FAM228B: variants seen among roughly 807,000 people sequenced by gnomAD.
FAM228B encodes the protein family with sequence similarity 228 member B.
Under a neutral mutation model 42.6 loss-of-function variants are expected in FAM228B, and 38 were observed. That is an observed-to-expected ratio of 0.89 (90% confidence interval 0.69 to 1.17). The LOEUF (loss-of-function observed/expected upper bound fraction) is 1.17, where lower values mean the gene tolerates loss of function less well. Among genes scored for constraint, FAM228B ranks in the 50% most tolerant of loss-of-function variants. The probability of loss-of-function intolerance (pLI) is 0.00; values close to 1 mark genes in which losing one functional copy is unlikely to be tolerated. For missense variants in FAM228B, 344 were observed against 367.3 expected (o/e 0.94, Z 0.52); for synonymous variants, 109 against 122.3 (o/e 0.89, Z 0.72).
In FAM228B at chr2:24,077,817, C is replaced by T; in HGVS notation, c.-290+848C>T. 6.4e-7 allele frequency: 1 copy of T among 1,554,162 alleles called. No individual in the cohort carries two copies. On this transcript the variant is annotated intron_variant, in intron 1 of 10. Coordinates refer to the FAM228B transcript ENST00000613899. This position sits in a 1 kb window ranked among gnomAD's most constrained non-coding sequence, Gnocchi z 5.5. Reference sequence around the variant, plus strand: ...GGGGAGAGAGCCTCACCCTGCCCTCCTCATCCTCCTCAGCCTTCTTGCTCT... The same window carrying T: ...GGGGAGAGAGCCTCACCCTGCCCTCTTCATCCTCCTCAGCCTTCTTGCTCT...
rs1294364649 is a variant in FAM228B, at chr2:24,138,059, C to G, written c.319C>G (p.Gln107Glu). 6.5e-7 allele frequency: 1 copy of G among 1,538,858 alleles called. No individual in the cohort carries two copies. The highest frequency in any genetic ancestry group is 8.7e-7 in the Non-Finnish European group (1 of 1,144,130). Residue 107 changes from glutamine to glutamate, a missense_variant, in exon 4 of 11, where the codon CAA becomes GAA. Gln to Glu is a conservative substitution (Grantham distance 29). Transcript: ENST00000615575. Reference protein sequence around the residue: ...CSHKKIKKRRQGELDGFLKHV... With the variant: ...CSHKKIKKRREGELDGFLKHV... ...ACATAAGAAGATTAAAAAAAGGAGG[C>G]AAGGGGAATTAGATGGCTTTTTAAA...
intron 5 of FAM228B, 116 bp downstream of exon 5, chr2:24,139,566 T>C (rs17046125): frequency 2.0e-6 from 1 of 499,854 alleles, no homozygotes; most frequent in African/African-American, 2.0e-5. Flanking sequence ...ATTTTAAGCA[T>C]AGTTTCCCAT....
At chr2:24,135,968 A>T (rs1573766847) in intron 3 of FAM228B, among the ~76,000 whole-genome samples, 2 of 100,568 alleles carry the variant, frequency 2.0e-5, no homozygotes, top group African/African-American at 3.8e-5. Context: ...GGTCAGTTAT[A>T]GTGAAGGGTT....
intron 7 of FAM228B, among the ~76,000 whole-genome samples, chr2:24,150,222 C>T (rs951448178): frequency 6.6e-6 from 1 of 152,130 alleles, no homozygotes; most frequent in African/African-American, 2.4e-5. Flanking sequence ...TTTCTTCTTG[C>T]TCATTAACAT....
At chr2:24,114,562 G>A (rs1436218834) in intron 3 of FAM228B, among the ~76,000 whole-genome samples, 1 of 152,128 alleles carries the variant, frequency 6.6e-6, no homozygotes, top group East Asian at 1.9e-4. Flanking sequence ...TTATCGTCAT[G>A]ATATAGGACC....
At position 24,167,515 on chromosome 2, in the gene FAM228B, C is replaced by T. The variant is rs1350843772; in HGVS notation, c.933-112C>T. ...CTGTTGGGGTTGGTTCTTCTCCTGC[C>T]CTGGGCATTCTCAGATAATAAACAG... On this transcript the variant is annotated intron_variant, in intron 9 of 10. Transcript: ENST00000615575. 5 of 1,425,438 alleles carry T rather than the reference C, an allele frequency of 3.5e-6. No individual in the cohort carries two copies. In the South Asian group the frequency reaches 3.8e-5, roughly 11 times the overall value. The allele number at this position is 1,425,438 out of a possible 1,614,324, so 88.3% of individuals were successfully genotyped here.
At chr2:24,092,852 G>T (rs1042792454) in intron 2 of FAM228B, among the ~76,000 whole-genome samples, 1 of 151,778 alleles carries the variant, frequency 6.6e-6, no homozygotes, top group Non-Finnish European at 1.5e-5. Context: ...TCTGTGAAGC[G>T]TTTGTTTAAT....
chr2:24,090,479 G>A (rs563484359), intron 2 of FAM228B, among the ~76,000 whole-genome samples: 3 of 149,244 alleles, frequency 2.0e-5, no homozygotes, highest in South Asian at 2.1e-4. Flanking sequence ...AGGTACCTGC[G>A]AGGCTGAGGC....
upstream of FAM228B, among the ~76,000 whole-genome samples, chr2:24,119,135 C>T (rs927092950): frequency 6.6e-6 from 1 of 152,000 alleles, no homozygotes; most frequent in African/African-American, 2.4e-5. Flanking sequence ...ATAGGGTAGA[C>T]CCCCAGCAGC....
chr2:24,103,074 A>T lies in FAM228B; in HGVS notation c.-121+7845A>T, dbSNP rs534944878. 7.2e-5 allele frequency among the ~76,000 whole-genome samples: 11 copies of T among 152,144 alleles called. No individual in the cohort carries two copies. In the East Asian group the frequency reaches 2.1e-3, roughly 29 times the overall value. Reference sequence around the variant, plus strand: ...ACTTTTTTTGCTTTACTCTCATGGGACTCTCCTTCACATATGATGCATTTT... The same window carrying T: ...ACTTTTTTTGCTTTACTCTCATGGGTCTCTCCTTCACATATGATGCATTTT... On this transcript the variant is annotated intron_variant, in intron 3 of 10. Transcript: ENST00000613899.
intron 3 of FAM228B, among the ~76,000 whole-genome samples, chr2:24,098,784 A>T (rs1665551450): frequency 6.6e-6 from 1 of 152,258 alleles, no homozygotes; most frequent in African/African-American, 2.4e-5. Context: ...TCATTTCATG[A>T]GGCCAACATC....
Position 24,135,179 on chromosome 2 carries a change from GTAAT to G in FAM228B, c.164_167del (p.Ile55ArgfsTer3), listed in dbSNP as rs1356139228. The G allele has an allele frequency of 6.8e-7, 1 of 1,480,890 alleles. No homozygotes were observed. 91.7% of individuals were successfully genotyped at this position (1,480,890 alleles called of 1,614,324 possible). A position where few individuals can be genotyped will look rare whatever the true frequency, so the allele number is the denominator to read the frequency against. On this transcript the variant is annotated frameshift_variant, in exon 3 of 11. Coordinates refer to ENST00000615575, the MANE Select transcript of FAM228B (RefSeq NM_001145710.2). LOFTEE classifies it high-confidence loss of function. ...ATCAATATTATACAAAGAAAATTCT[GTAAT>G]TAAGGTAAGAATTGGCTACAAAATG...
chr2:24,083,346 C>A (rs989536582), intron 2 of FAM228B, among the ~76,000 whole-genome samples: 4 of 152,054 alleles, frequency 2.6e-5, no homozygotes, highest in African/African-American at 9.7e-5. Context: ...GTCACATGAT[C>A]AGTGGATGTT....
chr2:24,153,101 T>C (rs1459828389), intron 7 of FAM228B, among the ~76,000 whole-genome samples: 1 of 152,126 alleles, frequency 6.6e-6, no homozygotes, highest in African/African-American at 2.4e-5. Flanking sequence ...TGGACTCCCA[T>C]TTGGTTGAGG....
At position 24,161,578 on chromosome 2, in the gene FAM228B, G is replaced by A. The variant is rs1247981805; in HGVS notation, c.759G>A (p.Leu253=). Residue 253 remains leucine (L), a synonymous_variant, in exon 8 of 11, where the codon TTG becomes TTA. Transcript: ENST00000615575. ...CTTTGGCAAGAGCTCCTTATCTTTT[G>A]GAATCCCAGGAAGAAGAAAAAACAG... The part of the protein sequence containing the change: ...LKPLARAPYL[L]ESQEEEKTVI... 3 of 1,546,058 alleles carry A rather than the reference G, an allele frequency of 1.9e-6. No homozygotes were observed. The highest frequency in any genetic ancestry group is 2.6e-6 in the Non-Finnish European group (3 of 1,141,946).
chr2:24,140,590 TTCTC>T (rs1335752257), intron 5 of FAM228B, among the ~76,000 whole-genome samples: 9 of 152,198 alleles, frequency 5.9e-5, no homozygotes. Context: ...ACCTAAAATC[TTCTC>T]TCTCTGCAAT....
At chr2:24,088,390 G>A (rs376354701) in intron 2 of FAM228B, among the ~76,000 whole-genome samples, 12 of 151,962 alleles carry the variant, frequency 7.9e-5, no homozygotes, top group Admixed American at 7.2e-4. Flanking sequence ...TGGCTCTGTC[G>A]CCTAGGCTGG....
intron 2 of FAM228B, among the ~76,000 whole-genome samples, chr2:24,086,468 A>T (rs1203146334): frequency 6.6e-6 from 1 of 151,988 alleles, no homozygotes; most frequent in Non-Finnish European, 1.5e-5. Context: ...GTTAAAAAAA[A>T]TGGCTTCCTT....
rs1233014089 is a variant in FAM228B, at chr2:24,161,955, C to T, written c.794+342C>T. Among the ~76,000 whole-genome samples the T allele has an allele frequency of 3.3e-5, 5 of 152,272 alleles. No homozygotes were observed. In the Middle Eastern group the frequency reaches 0.017, roughly 518 times the overall value. ...CTCTACTAAAAATATAAAAATTAGC[C>T]AGGCGTGGTGGTGGGCAACTATAAT... On this transcript the variant is annotated intron_variant, in intron 8 of 10. Transcript: ENST00000615575.
Sources: allele counts gnomAD v4.1 joint callset (sites outside exome capture counted in the v4.1 genomes callset), GRCh38; gene constraint gnomAD v4.1.1; non-coding constraint Gnocchi (gnomAD v3.1); transcripts MANE v1.5; gene names NCBI Gene and HGNC (gene_info 2026-07-23, HGNC 2026-07-21).